Variants in CIITA observed in about 807,000 individuals in gnomAD.
CIITA encodes class II major histocompatibility complex transactivator, also known as MHC class II transactivator.
Under a neutral mutation model 115.1 loss-of-function variants are expected in CIITA, and 72 were observed. The observed-to-expected ratio is 0.63, with a 90% CI of 0.52 to 0.76. The LOEUF is 0.76. CIITA is among the 30% of genes least tolerant of loss of function. The pLI is 0.00. For synonymous variants in CIITA, 763 were observed against 635.6 expected (o/e 1.20, Z -3.02); for missense variants, 1,617 against 1,463.8 (o/e 1.10, Z -1.71).
At chr16:10,900,984 C>T (rs1490893983) in intron 5 of CIITA, among the ~76,000 whole-genome samples, 1 of 152,168 alleles carries the variant, frequency 6.6e-6, no homozygotes, top group Non-Finnish European at 1.5e-5. Context: ...TGTACTTCAG[C>T]ATCCTTTCTT....
At chr16:10,921,242 G>A (rs554075099) in intron 16 of CIITA, among the ~76,000 whole-genome samples, 19 of 152,348 alleles carry the variant, frequency 1.2e-4, no homozygotes, top group African/African-American at 4.6e-4. Context: ...CATACCCGCA[G>A]CAGCACCTGA....
chr16:10,893,668 G>T (rs998522428), intron 1 of CIITA, among the ~76,000 whole-genome samples: 6 of 151,832 alleles, frequency 4.0e-5, no homozygotes, highest in Non-Finnish European at 8.8e-5. Context: ...AATTAGCCGG[G>T]TGTGGTGGTG....
rs568813111 is a variant in CIITA at position 10,879,907 on chromosome 16, G to A, written c.52+2525G>A. ...CCTCTCCACCCTAGGTGGCACAGGAGAGGTGGCAAAAGCCTAGAAGTTCAA... is the reference window on the plus strand; with the variant it reads ...CCTCTCCACCCTAGGTGGCACAGGAAAGGTGGCAAAAGCCTAGAAGTTCAA... On this transcript the variant is annotated intron_variant, in intron 1 of 19. Transcript: ENST00000324288. This position sits in a 1 kb window ranked among gnomAD's most constrained non-coding sequence, Gnocchi z 4.3. Among the ~76,000 whole-genome samples, 52 of 152,330 alleles carry A rather than the reference G, an allele frequency of 3.4e-4. No individual in the cohort carries two copies. In the South Asian group the frequency reaches 9.5e-3, roughly 28 times the overall value.
At position 10,904,829 on chromosome 16, in the gene CIITA, C is replaced by G; in HGVS notation, c.1006+17C>G. ...AATGGCCTGGTGAGTGATGCGGGAT[C>G]TCTCTGCCCTGGGTGGTGGAGATGG... On this transcript the variant is annotated intron_variant, in intron 10 of 19. Transcript: ENST00000324288. 1 of 1,613,964 alleles carries G rather than the reference C, an allele frequency of 6.2e-7. No homozygotes were observed. Among genetic ancestry groups the G allele is most frequent in the Non-Finnish European group, 8.5e-7 (1 of 1,179,808 alleles).
intron 8 of CIITA, 86 bp downstream of exon 8, chr16:10,902,887 G>A: frequency 2.0e-6 from 3 of 1,517,466 alleles, no homozygotes; most frequent in Non-Finnish European, 2.7e-6. Context: ...CCATGCACTT[G>A]GCAGTGGTGC....
rs754281483 is a variant in CIITA, at chr16:10,916,422, G to A, written c.3025G>A (p.Ala1009Thr). Residue 1009 changes from alanine to threonine, a missense_variant, in exon 15 of 20, where the codon GCC becomes ACC. By Grantham distance (58) the Ala-to-Thr change is moderately conservative. Coordinates refer to ENST00000324288, the MANE Select transcript of CIITA (RefSeq NM_000246.4). ...IGDEGVSQLS[A>T]TFPQLKSLET... ...GGACGAGGGTGTCTCGCAGCTCTCA[G>A]CCACCTTCCCCCAGCTGAAGTCCTT... 4 of 1,613,440 alleles carry A rather than the reference G, an allele frequency of 2.5e-6. No individual in the cohort carries two copies. The South Asian group carries it at 3.3e-5, about 13-fold the overall frequency.
In CIITA at chr16:10,923,368, G is replaced by A. The variant is rs1190956364; in HGVS notation, c.*22+43G>A. ...GGGAGGGGAGAGCCGCAGTGGGTTG[G>A]GGGCAGTGTCCTTGTGAAGGTGGCA... On this transcript the variant is annotated intron_variant, in intron 19 of 19. Coordinates refer to ENST00000324288, the MANE Select transcript of CIITA (RefSeq NM_000246.4). This position sits in a 1 kb window ranked among gnomAD's most constrained non-coding sequence, Gnocchi z 5.2. The A allele has an allele frequency of 1.0e-5, 15 of 1,465,650 alleles. No individual in the cohort carries two copies. Among genetic ancestry groups the A allele is most frequent in the Admixed American group, 1.7e-5 (1 of 59,798 alleles). 90.8% of individuals were successfully genotyped at this position (1,465,650 alleles called of 1,614,324 possible).
rs1596664765 is a variant in CIITA at position 10,942,251 on chromosome 16, C to G, written n.1377C>G. On this transcript the variant is annotated non_coding_transcript_exon_variant, in exon 2 of 2. Coordinates refer to the CIITA transcript ENST00000573379. This position sits in a 1 kb window ranked among gnomAD's most constrained non-coding sequence, Gnocchi z 5.0. Reference sequence around the variant, plus strand: ...CGCCCGGGCGGCGAGGCGGGCCCCCCTGAAGTGGCCCGCGGCTGCCCGGCT... The same window carrying G: ...CGCCCGGGCGGCGAGGCGGGCCCCCGTGAAGTGGCCCGCGGCTGCCCGGCT... 1 of 364,048 alleles carries G rather than the reference C, an allele frequency of 2.7e-6. No individual in the cohort carries two copies. Among genetic ancestry groups the G allele is most frequent in the Non-Finnish European group, 4.9e-6 (1 of 202,052 alleles). 22.6% of individuals were successfully genotyped at this position (364,048 alleles called of 1,614,324 possible). A position where few individuals can be genotyped will look rare whatever the true frequency, so the allele number is the denominator to read the frequency against.
intron 1 of CIITA, among the ~76,000 whole-genome samples, chr16:10,887,787 C>T (rs541043235): frequency 6.6e-6 from 1 of 152,222 alleles, no homozygotes; most frequent in South Asian, 2.1e-4. Context: ...GAGCCACCAC[C>T]CCTGGCCTCC....
At chr16:10,912,352 G>T (rs1358512653) in intron 13 of CIITA, among the ~76,000 whole-genome samples, 3 of 151,944 alleles carry the variant, frequency 2.0e-5, no homozygotes, top group Admixed American at 6.5e-5. Context: ...GGCCTCAGAT[G>T]TTCCTCCCAC....
In CIITA at chr16:10,929,402, A is replaced by G; in HGVS notation, c.*5547A>G. 2 of 985,870 alleles carry G rather than the reference A, an allele frequency of 2.0e-6. No homozygotes were observed. The highest frequency in any genetic ancestry group is 1.7e-5 in the African/African-American group (1 of 57,348). The allele number at this position is 985,870 out of a possible 1,614,324, so 61.1% of individuals were successfully genotyped here. ...GCCAAGGCCAGGCCATCGATTTGACACTGCAGGCAGATGAGGTCTTGGGAT... is the reference window on the plus strand; with the variant it reads ...GCCAAGGCCAGGCCATCGATTTGACGCTGCAGGCAGATGAGGTCTTGGGAT... On this transcript the variant is annotated 3_prime_UTR_variant, in exon 20 of 20. Coordinates refer to ENST00000324288, the MANE Select transcript of CIITA (RefSeq NM_000246.4). This position sits in a 1 kb window ranked among gnomAD's most constrained non-coding sequence, Gnocchi z 4.3.
At position 10,934,193 on chromosome 16, in the gene CIITA, C is replaced by G. The variant is rs1163639501; in HGVS notation, c.*10338C>G. The stretch of plus-strand genomic sequence containing the variant: ...AAGGGCAGCACTTGCCCAGTGCCTC[C>G]CTCCAGGTCCTGCCACATCCAAGAA... On this transcript the variant is annotated 3_prime_UTR_variant, in exon 20 of 20. Transcript: ENST00000324288. This position sits in a 1 kb window ranked among gnomAD's most constrained non-coding sequence, Gnocchi z 4.2. 1 of 152,228 alleles carries G rather than the reference C, an allele frequency of 6.6e-6. No homozygotes were observed. Among genetic ancestry groups the G allele is most frequent in the Non-Finnish European group, 1.5e-5 (1 of 68,048 alleles). The allele number at this position is 152,228 out of a possible 1,614,324, so 9.4% of individuals were successfully genotyped here.
intron 15 of CIITA, chr16:10,916,880 C>G (rs1020285192): frequency 8.5e-6 from 3 of 354,144 alleles, no homozygotes; most frequent in African/African-American, 6.2e-5. Context: ...CTACTATGTG[C>G]AGGCACCTTT....
chr16:10,918,847 G>A (rs1449653144), intron 16 of CIITA, among the ~76,000 whole-genome samples: 1 of 152,150 alleles, frequency 6.6e-6, no homozygotes, highest in South Asian at 2.1e-4. Flanking sequence ...CCGGAACCTA[G>A]GGGTGGTGGC....
At position 10,879,525 on chromosome 16, in the gene CIITA, C is replaced by CG. The variant is rs541925252; in HGVS notation, c.52+2149dup. ...AATCTTGGGTATTGGGCTCTCCAGGCGGGGGGCCCTGCTCAGGGAGGCAGT... is the reference window on the plus strand; with the variant it reads ...AATCTTGGGTATTGGGCTCTCCAGGCGGGGGGGCCCTGCTCAGGGAGGCAGT... On this transcript the variant is annotated intron_variant, in intron 1 of 19. Transcript: ENST00000324288. This position sits in a 1 kb window ranked among gnomAD's most constrained non-coding sequence, Gnocchi z 4.3. 1.3e-5 allele frequency among the ~76,000 whole-genome samples: 2 copies of CG among 150,648 alleles called. No homozygotes were observed. The highest frequency in any genetic ancestry group is 2.1e-4 in the South Asian group (1 of 4,746).
chr16:10,895,507 C>T, intron 2 of CIITA, 79 bp downstream of exon 2: 1 of 1,597,688 alleles, frequency 6.3e-7, no homozygotes, highest in South Asian at 1.1e-5. Flanking sequence ...AGGGGAAATT[C>T]TGGTCCCTGC....
chr16:10,881,906 T>A (rs990093998), intron 1 of CIITA, among the ~76,000 whole-genome samples: 1 of 152,220 alleles, frequency 6.6e-6, no homozygotes, highest in Admixed American at 6.5e-5. Context: ...ACACCGCCTA[T>A]AAATAGAATT....
intron 3 of CIITA, among the ~76,000 whole-genome samples, chr16:10,896,060 C>T (rs1248902905): frequency 6.6e-6 from 1 of 152,116 alleles, no homozygotes; most frequent in African/African-American, 2.4e-5. Flanking sequence ...TCTGTCCATC[C>T]TTTCTACAAA....
intron 1 of CIITA, among the ~76,000 whole-genome samples, chr16:10,882,214 T>C (rs2036500116): frequency 6.6e-6 from 1 of 152,252 alleles, no homozygotes; most frequent in South Asian, 2.1e-4. Context: ...TTTAAAAAGT[T>C]AATTTAAGAA....
Sources: allele counts gnomAD v4.1 joint callset (sites outside exome capture counted in the v4.1 genomes callset), GRCh38; gene constraint gnomAD v4.1.1; non-coding constraint Gnocchi (gnomAD v3.1); transcripts MANE v1.5; gene names NCBI Gene and HGNC (gene_info 2026-07-23, HGNC 2026-07-21).